Variants in DIAPH1 observed in about 807,000 individuals in gnomAD.
The protein encoded by DIAPH1 is protein diaphanous homolog 1.
Under a neutral mutation model 140.7 loss-of-function variants are expected in DIAPH1, and 46 were observed. The observed-to-expected ratio is 0.33, with a 90% CI of 0.26 to 0.42. DIAPH1 has a LOEUF of 0.42. Ranked by LOEUF, DIAPH1 falls within the 10% of genes least tolerant of loss-of-function variation. The pLI, the probability that DIAPH1 is intolerant of heterozygous loss-of-function variation, is 1.00. For synonymous variants in DIAPH1, 565 were observed against 551.6 expected (o/e 1.02, Z -0.34); for missense variants, 1,310 against 1,558.7 (o/e 0.84, Z 2.69).
chr5:141,618,815 C>A lies in DIAPH1; in HGVS notation c.100G>T (p.Gly34Cys). The change falls in exon 1 of 28, where the codon GGC (glycine) becomes TGC (cysteine). Residue 34 changes from glycine (G) to cysteine (C), a missense_variant. Coordinates refer to ENST00000389054, the MANE Select transcript of DIAPH1 (RefSeq NM_005219.5). ...ACACTCACAAATTTCTTAGATTTGCCGCCGTCGCCGCCCGCCGAGGGCAGC... is the reference window on the plus strand; with the variant it reads ...ACACTCACAAATTTCTTAGATTTGCAGCCGTCGCCGCCCGCCGAGGGCAGC... ...DELPSAGGDG[G>C]KSKKFTLKRL... is the part of the protein sequence containing the mutation. 1 of 1,546,236 alleles carries A rather than the reference C, an allele frequency of 6.5e-7. No homozygotes were observed. Among genetic ancestry groups the A allele is most frequent in the African/African-American group, 1.4e-5 (1 of 72,330 alleles).
chr5:141,534,612 C>G, intron 18 of DIAPH1, 179 bp from the exon 19 acceptor site: 1 of 620,018 alleles, frequency 1.6e-6, no homozygotes. Context: ...GAACCTCCCC[C>G]AACTCTAATA....
chr5:141,601,395 C>G (rs914985545), intron 1 of DIAPH1, among the ~76,000 whole-genome samples: 5 of 151,956 alleles, frequency 3.3e-5, no homozygotes, highest in African/African-American at 1.2e-4. Flanking sequence ...TTCAAGTGAT[C>G]TCCTGCCTCA....
rs546201304 is a variant in DIAPH1 at position 141,529,387 on chromosome 5, A to G, written c.2677-114T>C. ...TCTGCTCAAGGACCATACAGAAAGA[A>G]ACATATGGTGGGAGAAGAGAGGCAG... On this transcript the variant is annotated intron_variant, in intron 20 of 27. Transcript: ENST00000389054. 131 of 988,634 alleles carry G rather than the reference A, an allele frequency of 1.3e-4. 2 individuals are homozygous for G. The South Asian group carries it at 1.7e-3, about 13-fold the overall frequency. The allele number at this position is 988,634 out of a possible 1,614,324, so 61.2% of individuals were successfully genotyped here. A position where few individuals can be genotyped will look rare whatever the true frequency, so the allele number is the denominator to read the frequency against.
intron 27 of DIAPH1, chr5:141,519,025 C>A (rs1162910531): frequency 6.5e-7 from 1 of 1,546,970 alleles, no homozygotes; most frequent in Admixed American, 2.0e-5. Flanking sequence ...ATAGTGAAGA[C>A]CCTGACTGAC....
In DIAPH1 at chr5:141,588,210, C is replaced by A. The variant is rs779974546; in HGVS notation, c.144+14G>T. ...TGAGCTAGAACATGCACATGCTAAA[C>A]AAAATGTCCTTACCTCATCTGCCAT... On this transcript the variant is annotated intron_variant, in intron 2 of 27. Coordinates refer to ENST00000389054, the MANE Select transcript of DIAPH1 (RefSeq NM_005219.5). 1.2e-6 allele frequency: 2 copies of A among 1,608,850 alleles called. No homozygotes were observed. Among genetic ancestry groups the A allele is most frequent in the Non-Finnish European group, 1.7e-6 (2 of 1,175,416 alleles).
chr5:141,588,948 T>C (rs79854630), intron 1 of DIAPH1: 4,471 of 152,262 alleles, frequency 0.029, 89 homozygotes, highest in Middle Eastern at 0.13. Context: ...CAAATTTTCA[T>C]AAAAATCCTT....
At chr5:141,574,410 T>C (rs1562321914) in intron 15 of DIAPH1, among the ~76,000 whole-genome samples, 1 of 152,196 alleles carries the variant, frequency 6.6e-6, no homozygotes, top group African/African-American at 2.4e-5. Context: ...TTCATGTTCT[T>C]AGTTCAGCAT....
chr5:141,517,272 A>C (rs1225040073), intron 27 of DIAPH1, among the ~76,000 whole-genome samples: 1 of 152,236 alleles, frequency 6.6e-6, no homozygotes, highest in African/African-American at 2.4e-5. Flanking sequence ...AAGTTTGAAC[A>C]CAGACAGACA....
intron 27 of DIAPH1, chr5:141,519,049 A>C (rs1937037170): frequency 1.3e-6 from 2 of 1,485,792 alleles, no homozygotes; most frequent in Admixed American, 2.0e-5. Flanking sequence ...CACAGGACTT[A>C]TCTAGTTACA....
intron 18 of DIAPH1, among the ~76,000 whole-genome samples, chr5:141,546,581 G>A (rs759431323): frequency 2.0e-5 from 3 of 151,506 alleles, no homozygotes; most frequent in East Asian, 1.9e-4. Context: ...GATTGAACCC[G>A]AGAGGTGGAA....
intron 18 of DIAPH1, among the ~76,000 whole-genome samples, chr5:141,562,837 C>G (rs376210624): frequency 9.9e-5 from 15 of 152,150 alleles, no homozygotes; most frequent in African/African-American, 3.6e-4. Context: ...TTCCTTAAGG[C>G]AACAGTTTTG....
rs776226644 is a variant in DIAPH1, at chr5:141,583,618, A to G, written c.403-3T>C. 1 of 1,614,244 alleles carries G rather than the reference A, an allele frequency of 6.2e-7. No homozygotes were observed. The highest frequency in any genetic ancestry group is 1.1e-5 in the South Asian group (1 of 91,088). On this transcript the variant is annotated splice_region_variant and splice_polypyrimidine_tract_variant and intron_variant, in intron 4 of 27. Transcript: ENST00000389054. ...GAGCTCTCCTTCTGGCTCATGCCCT[A>G]GACAGAAGGCATAGACAGAGATTAG...
At chr5:141,567,768 G>A (rs532976416) in intron 18 of DIAPH1, among the ~76,000 whole-genome samples, 14 of 152,204 alleles carry the variant, frequency 9.2e-5, no homozygotes, top group Non-Finnish European at 1.9e-4. Context: ...TGGGAAAGGG[G>A]CTCCTGCTGA....
chr5:141,527,466 T>C, intron 24 of DIAPH1, 107 bp downstream of exon 24: 1 of 1,279,866 alleles, frequency 7.8e-7, no homozygotes. Context: ...AAGAGTTTTT[T>C]AAGAGAAAAA....
chr5:141,574,578 A>G (rs1163374858), intron 15 of DIAPH1, among the ~76,000 whole-genome samples: 1 of 152,226 alleles, frequency 6.6e-6, no homozygotes, highest in Non-Finnish European at 1.5e-5. Context: ...ATCAGACATC[A>G]AAGATCATTT....
chr5:141,567,783 T>G (rs2099894599), intron 18 of DIAPH1, among the ~76,000 whole-genome samples: 1 of 152,232 alleles, frequency 6.6e-6, no homozygotes, highest in African/African-American at 2.4e-5. Context: ...TGCTGAAGCC[T>G]GAAGCAAGAA....
Position 141,592,256 on chromosome 5 carries a change from A to G in DIAPH1, c.118-4006T>C, listed in dbSNP as rs77102527. 4.9e-3 allele frequency among the ~76,000 whole-genome samples: 747 copies of G among 152,220 alleles called. 4 individuals are homozygous for G. Among genetic ancestry groups the G allele is most frequent in the African/African-American group, 0.017 (688 of 41,504 alleles). ...AGTGAATCACAGCCCAGTCAGTACA[A>G]GCAAAACGGTTTTAGAATCCAATAC... On this transcript the variant is annotated intron_variant, in intron 1 of 27. Transcript: ENST00000389054.
intron 7 of DIAPH1, chr5:141,582,046 C>T (rs1449210342): frequency 1.2e-5 from 4 of 329,690 alleles, no homozygotes; most frequent in South Asian, 3.0e-5. Flanking sequence ...GGCAACAGAG[C>T]GAGACTCCAT....
chr5:141,570,651 T>C (rs2099895046), intron 18 of DIAPH1, among the ~76,000 whole-genome samples: 1 of 151,758 alleles, frequency 6.6e-6, no homozygotes, highest in East Asian at 1.9e-4. Flanking sequence ...TAGGGGGAGG[T>C]GGGGAAAATA....
Sources: gnomAD v4.1 joint callset for allele counts (sites outside exome capture counted in the v4.1 genomes callset) on GRCh38, gnomAD v4.1.1 for gene constraint, MANE v1.5 for transcripts, NCBI Gene and HGNC (gene_info 2026-07-23, HGNC 2026-07-21) for gene names.